The following NWD2 variants were observed in gnomAD, a reference collection of about 807,000 sequenced individuals.
NWD2 encodes the protein NACHT and WD repeat domain containing 2.
In NWD2, 37 loss-of-function variants were observed where a neutral mutation model predicts 132.7. The observed-to-expected ratio is 0.28, with a 90% CI of 0.21 to 0.37. NWD2 has a LOEUF of 0.37. Among genes scored for constraint, NWD2 ranks in the 10% least tolerant of loss-of-function variants. The probability of loss-of-function intolerance (pLI) is 1.00; values close to 1 mark genes in which losing one functional copy is unlikely to be tolerated. For missense variants in NWD2, 1,592 were observed against 2,122.4 expected (o/e 0.75, Z 4.91); for synonymous variants, 705 against 803.0 (o/e 0.88, Z 2.06).
At chr4:37,340,301 G>A (rs77544341) in intron 2 of NWD2, among the ~76,000 whole-genome samples, 4,991 of 152,176 alleles carry the variant, frequency 0.033, 129 homozygotes, top group East Asian at 0.12. Flanking sequence ...ACAGTGTCCC[G>A]TGTACCTGTC....
chr4:37,345,805 G>A (rs924247529), intron 2 of NWD2, among the ~76,000 whole-genome samples: 4 of 152,096 alleles, frequency 2.6e-5, no homozygotes, highest in African/African-American at 7.2e-5. Flanking sequence ...CTCCTGGCCT[G>A]GTGCAGTGGC....
At chr4:37,340,168 G>A (rs1178805651) in intron 2 of NWD2, among the ~76,000 whole-genome samples, 3 of 152,038 alleles carry the variant, frequency 2.0e-5, no homozygotes, top group Non-Finnish European at 1.5e-5. Context: ...AGATCTTTAA[G>A]TTTTAAGTCT....
chr4:37,415,860 C>A (rs2109320914), intron 3 of NWD2, among the ~76,000 whole-genome samples: 1 of 152,268 alleles, frequency 6.6e-6, no homozygotes, highest in Middle Eastern at 3.4e-3. Flanking sequence ...ACCATTTAAA[C>A]AACACTTACT....
intron 2 of NWD2, among the ~76,000 whole-genome samples, chr4:37,352,889 T>C (rs1719798464): frequency 6.6e-6 from 1 of 152,230 alleles, no homozygotes; most frequent in Admixed American, 6.5e-5. Flanking sequence ...AATTTCATCC[T>C]ATCATTATGA....
chr4:37,312,741 A>G (rs1304563683), intron 1 of NWD2, among the ~76,000 whole-genome samples: 1 of 151,068 alleles, frequency 6.6e-6, no homozygotes, highest in Non-Finnish European at 1.5e-5. Context: ...GTTTTTGCCC[A>G]TTCAGTATGA....
In NWD2 at chr4:37,368,621, T is replaced by C. The variant is rs140941018; in HGVS notation, c.357+12139T>C. 6.8e-3 allele frequency among the ~76,000 whole-genome samples: 1,038 copies of C among 152,292 alleles called. 4 individuals are homozygous for C. Among genetic ancestry groups the C allele is most frequent in the Non-Finnish European group, 0.012 (831 of 68,026 alleles). On this transcript the variant is annotated intron_variant, in intron 3 of 6. Coordinates refer to ENST00000309447, the MANE Select transcript of NWD2 (RefSeq NM_001144990.2). The stretch of plus-strand genomic sequence containing the variant: ...GGGAAACTGGTTTGTTCTGATTCTG[T>C]GTGTCACAAAAGGAATCACTAAGAG...
At chr4:37,388,685 A>G (rs971077850) in intron 3 of NWD2, among the ~76,000 whole-genome samples, 2 of 147,736 alleles carry the variant, frequency 1.4e-5, no homozygotes, top group Admixed American at 1.4e-4. Context: ...TATATCGTAT[A>G]TATCATATAT....
rs1359922466 is a variant in NWD2 at position 37,445,196 on chromosome 4, C to T, written c.3208C>T (p.His1070Tyr). The change falls in exon 7 of 7, where the codon CAC becomes TAC. Residue 1070 changes from histidine (H) to tyrosine (Y), a missense_variant. By Grantham distance (83) the His-to-Tyr change is moderately conservative (BLOSUM62 2). This residue lies in a region of NWD2 where 1,071 missense variants were observed against 1,398.0 expected (regional missense o/e 0.77). Transcript: ENST00000309447. This position sits in a 1 kb window ranked among gnomAD's most constrained non-coding sequence, Gnocchi z 4.7. ...YINGFTLSAN[H>Y]ALAWLEASKD... ...CAATGGATTTACACTGTCCGCCAAC[C>T]ACGCCCTTGCATGGCTCGAAGCCAG... 3.9e-6 allele frequency: 6 copies of T among 1,551,950 alleles called. No homozygotes were observed. In the South Asian group the frequency reaches 7.1e-5, roughly 18 times the overall value.
intron 3 of NWD2, among the ~76,000 whole-genome samples, chr4:37,375,108 C>T (rs781762119): frequency 3.9e-5 from 6 of 152,178 alleles, no homozygotes; most frequent in Non-Finnish European, 8.8e-5. Context: ...AGAATGTATT[C>T]CCATGGCCAA....
intron 3 of NWD2, among the ~76,000 whole-genome samples, chr4:37,410,983 A>G (rs561589033): frequency 6.6e-6 from 1 of 152,360 alleles, no homozygotes; most frequent in African/African-American, 2.4e-5. Context: ...TCTCTGGGAC[A>G]TATTTAAAGC....
At chr4:37,280,946 A>G (rs989665935) in intron 1 of NWD2, among the ~76,000 whole-genome samples, 9 of 152,246 alleles carry the variant, frequency 5.9e-5, no homozygotes, top group African/African-American at 2.2e-4. Flanking sequence ...CAGGGTGCAT[A>G]CATCACAGCA....
At chr4:37,276,322 C>G (rs1018388756) in intron 1 of NWD2, among the ~76,000 whole-genome samples, 3 of 152,136 alleles carry the variant, frequency 2.0e-5, no homozygotes, top group Non-Finnish European at 4.4e-5. Flanking sequence ...ATTTATGCAG[C>G]CAACAGACAC....
In NWD2 at chr4:37,430,763, C is replaced by T; in HGVS notation, c.549C>T (p.Ser183=). ...GACCCAAGTCAGAAATGCTGAGAAG[C>T]AATAGAAATGCAGTAAGCTGCCTTT... ...YLRPKSEMLR[S]NRNAMQPSTN... is the part of the protein sequence containing the mutation. The change falls in exon 4 of 7, where the codon AGC becomes AGT. Residue 183 remains serine, a synonymous_variant. Coordinates refer to ENST00000309447, the MANE Select transcript of NWD2 (RefSeq NM_001144990.2). 3.2e-6 allele frequency: 5 copies of T among 1,551,404 alleles called. No homozygotes were observed. The highest frequency in any genetic ancestry group is 4.4e-6 in the Non-Finnish European group (5 of 1,146,740).
At chr4:37,312,794 G>T (rs572411169) in intron 1 of NWD2, among the ~76,000 whole-genome samples, 70 of 151,244 alleles carry the variant, frequency 4.6e-4, no homozygotes, top group Admixed American at 7.9e-4. Flanking sequence ...ATTATTTTGA[G>T]ATATGTTCCA....
intron 3 of NWD2, among the ~76,000 whole-genome samples, chr4:37,409,736 A>T (rs983721538): frequency 3.3e-5 from 5 of 152,174 alleles, no homozygotes; most frequent in African/African-American, 9.7e-5. Flanking sequence ...GAAGGAAAAA[A>T]TGTTAAGGGC....
At chr4:37,265,052 A>G (rs770271937) in intron 1 of NWD2, among the ~76,000 whole-genome samples, 1 of 152,138 alleles carries the variant, frequency 6.6e-6, no homozygotes, top group East Asian at 1.9e-4. Flanking sequence ...TCAAAAATGT[A>G]TCTAAAGCTG....
At chr4:37,394,805 T>TTTTTG (rs1720749958) in intron 3 of NWD2, among the ~76,000 whole-genome samples, 3 of 96,416 alleles carry the variant, frequency 3.1e-5, no homozygotes, top group South Asian at 8.8e-4. Flanking sequence ...TATGGTTTTT[T>TTTTTG]TTTTTTTTTT....
chr4:37,374,781 C>T (rs578017859), intron 3 of NWD2, among the ~76,000 whole-genome samples: 1 of 152,332 alleles, frequency 6.6e-6, no homozygotes, highest in South Asian at 2.1e-4. Context: ...AATACTAATA[C>T]TTAGCACTGA....
At chr4:37,420,844 T>A (rs1049088900) in intron 3 of NWD2, among the ~76,000 whole-genome samples, 1 of 151,942 alleles carries the variant, frequency 6.6e-6, no homozygotes, top group Admixed American at 6.6e-5. Flanking sequence ...ACAGAAAGAG[T>A]TGATCACCCT....
Sources: gnomAD v4.1 joint callset for allele counts (sites outside exome capture counted in the v4.1 genomes callset) on GRCh38, gnomAD v4.1.1 for gene constraint, gnomAD v4.1.1 regional missense constraint, Gnocchi (gnomAD v3.1) non-coding constraint, MANE v1.5 for transcripts, NCBI Gene and HGNC (gene_info 2026-07-23, HGNC 2026-07-21) for gene names.